SLC7A1: variants seen among roughly 807,000 people sequenced by gnomAD.
SLC7A1 encodes the protein solute carrier family 7 member 1.
In SLC7A1, 10 loss-of-function variants were observed where a neutral mutation model predicts 53.9. The observed-to-expected ratio is 0.19, with a 90% CI of 0.11 to 0.31. SLC7A1 has a LOEUF of 0.31. Ranked by LOEUF, SLC7A1 falls within the 10% of genes least tolerant of loss-of-function variation. The pLI, the probability that SLC7A1 is intolerant of heterozygous loss-of-function variation, is 1.00. For synonymous variants in SLC7A1, 342 were observed against 338.7 expected (o/e 1.01, Z -0.11); for missense variants, 525 against 827.2 (o/e 0.63, Z 4.48).
intron 1 of SLC7A1, among the ~76,000 whole-genome samples, chr13:29,566,621 A>C (rs991748900): frequency 1.3e-5 from 2 of 152,128 alleles, no homozygotes; most frequent in South Asian, 2.1e-4. Context: ...ACGGGTGGGG[A>C]ATGACTGTTA....
chr13:29,591,630 A>G (rs1215821315), intron 1 of SLC7A1, among the ~76,000 whole-genome samples: 1 of 152,242 alleles, frequency 6.6e-6, no homozygotes, highest in African/African-American at 2.4e-5. Context: ...TATTCTGAAG[A>G]AAGCACTGCA....
chr13:29,515,491 A>G (rs1883526490), intron 12 of SLC7A1, among the ~76,000 whole-genome samples: 1 of 152,236 alleles, frequency 6.6e-6, no homozygotes, highest in Non-Finnish European at 1.5e-5. Flanking sequence ...TGCCCGTAGC[A>G]TGCAAACTCA....
chr13:29,522,041 G>T (rs1416746384), intron 8 of SLC7A1, among the ~76,000 whole-genome samples: 2 of 152,198 alleles, frequency 1.3e-5, no homozygotes, highest in African/African-American at 2.4e-5. Context: ...GGGGAGAAAA[G>T]GTTTTCGAAT....
intron 8 of SLC7A1, among the ~76,000 whole-genome samples, chr13:29,519,982 CAT>C (rs1868552526): frequency 6.6e-6 from 1 of 152,096 alleles, no homozygotes; most frequent in South Asian, 2.1e-4. Flanking sequence ...TTCACAGACT[CAT>C]GTGCATCCAT....
At position 29,555,661 on chromosome 13, in the gene SLC7A1, G is replaced by A. The variant is rs819389; in HGVS notation, c.-114-1801C>T. Among the ~76,000 whole-genome samples, 443 of 147,310 alleles carry A rather than the reference G, an allele frequency of 3.0e-3. 3 individuals carry two copies. The highest frequency in any genetic ancestry group is 0.01 in the African/African-American group (416 of 40,168). On this transcript the variant is annotated intron_variant, in intron 1 of 12. Transcript: ENST00000380752. ...TTCGTAGTTTAAAAAGTTAACTCTGGAAAAAAAAAGGGGGGGCGGGCAGAA... is the reference window on the plus strand; with the variant it reads ...TTCGTAGTTTAAAAAGTTAACTCTGAAAAAAAAAAGGGGGGGCGGGCAGAA...
intron 2 of SLC7A1, among the ~76,000 whole-genome samples, chr13:29,550,136 G>C (rs1364670057): frequency 6.6e-6 from 1 of 152,104 alleles, no homozygotes; most frequent in Non-Finnish European, 1.5e-5. Context: ...CCACATTTTC[G>C]TATACAAACA....
chr13:29,586,420 T>C (rs1044436167), intron 1 of SLC7A1, among the ~76,000 whole-genome samples: 1 of 152,228 alleles, frequency 6.6e-6, no homozygotes, highest in Non-Finnish European at 1.5e-5. Context: ...ATTTTTCCAG[T>C]CTTTTCTTTC....
chr13:29,577,776 G>A (rs1463009823), intron 1 of SLC7A1, among the ~76,000 whole-genome samples: 1 of 152,116 alleles, frequency 6.6e-6, no homozygotes, highest in African/African-American at 2.4e-5. Context: ...CCTGTCTTTG[G>A]AGGAGCTCAC....
At chr13:29,557,778 A>G (rs12868785) in intron 1 of SLC7A1, among the ~76,000 whole-genome samples, 6 of 67,978 alleles carry the variant, frequency 8.8e-5, no homozygotes, top group Admixed American at 1.7e-4. Flanking sequence ...TGAGTGAGGG[A>G]GGAGTGAATG....
chr13:29,572,684 C>G (rs551551864), intron 1 of SLC7A1, among the ~76,000 whole-genome samples: 69 of 152,290 alleles, frequency 4.5e-4, no homozygotes, highest in Admixed American at 1.4e-3. Flanking sequence ...CTGGTTCCCC[C>G]AGTCGTTCTC....
intron 1 of SLC7A1, among the ~76,000 whole-genome samples, chr13:29,593,313 A>G (rs1020590519): frequency 6.6e-6 from 1 of 152,148 alleles, no homozygotes; most frequent in Non-Finnish European, 1.5e-5. Context: ...TTTAAAATCT[A>G]TCCAGGTCTG....
chr13:29,514,074 A>G lies in SLC7A1; in HGVS notation c.*406T>C, dbSNP rs1593536194. On this transcript the variant is annotated 3_prime_UTR_variant, in exon 13 of 13. Coordinates refer to ENST00000380752, the MANE Select transcript of SLC7A1 (RefSeq NM_003045.5). ...GGCTGAGCGGGAAGATGGCTGCGAA[A>G]GTTTGGAGTATGCACAATTTCAATC... 1 of 188,432 alleles carries G rather than the reference A, an allele frequency of 5.3e-6. No homozygotes were observed. Among genetic ancestry groups the G allele is most frequent in the African/African-American group, 2.3e-5 (1 of 42,982 alleles). The allele number at this position is 188,432 out of a possible 1,614,324, so 11.7% of individuals were successfully genotyped here. A position where few individuals can be genotyped will look rare whatever the true frequency, so the allele number is the denominator to read the frequency against.
At position 29,528,949 on chromosome 13, in the gene SLC7A1, G is replaced by A. The variant is rs185524807; in HGVS notation, c.704+1589C>T. Among the ~76,000 whole-genome samples the A allele has an allele frequency of 1.1e-3, 161 of 152,282 alleles. 3 individuals carry two copies. The highest frequency in any genetic ancestry group is 1.6e-4 in the Non-Finnish European group (11 of 68,028). The stretch of plus-strand genomic sequence containing the variant: ...CATAAAAATAATAAAATTAAATCTC[G>A]ATTGGCAACCAGTTAACAAGAGGTG... On this transcript the variant is annotated intron_variant, in intron 5 of 12. Coordinates refer to ENST00000380752, the MANE Select transcript of SLC7A1 (RefSeq NM_003045.5).
At position 29,523,174 on chromosome 13, in the gene SLC7A1, T is replaced by C. The variant is rs552293404; in HGVS notation, c.1049+92A>G. 570 of 1,016,594 alleles carry C rather than the reference T, an allele frequency of 5.6e-4. 4 individuals are homozygous for C. In the African/African-American group the frequency reaches 8.3e-3, roughly 15 times the overall value. The allele number at this position is 1,016,594 out of a possible 1,614,324, so 63.0% of individuals were successfully genotyped here. Reference sequence around the variant, plus strand: ...GGGTAAAGAATGCTGGCAGCCGATGTGTGTCTCGCATGGCTGTACCTGGCC... The same window carrying C: ...GGGTAAAGAATGCTGGCAGCCGATGCGTGTCTCGCATGGCTGTACCTGGCC... On this transcript the variant is annotated intron_variant, in intron 7 of 12. Transcript: ENST00000380752.
At chr13:29,555,979 C>T (rs1359798672) in intron 1 of SLC7A1, among the ~76,000 whole-genome samples, 1 of 152,180 alleles carries the variant, frequency 6.6e-6, no homozygotes, top group Non-Finnish European at 1.5e-5. Flanking sequence ...AAAGAGCTTA[C>T]CGAGATGGCT....
intron 1 of SLC7A1, among the ~76,000 whole-genome samples, chr13:29,565,581 C>T (rs1033085834): frequency 6.6e-6 from 1 of 152,232 alleles, no homozygotes; most frequent in African/African-American, 2.4e-5. Flanking sequence ...CACACTTGTA[C>T]ACTCTCCAGT....
At chr13:29,548,293 C>G (rs1011788701) in intron 2 of SLC7A1, among the ~76,000 whole-genome samples, 1 of 152,194 alleles carries the variant, frequency 6.6e-6, no homozygotes, top group African/African-American at 2.4e-5. Context: ...TAGGCACACA[C>G]GGTTAGGAGC....
At chr13:29,567,459 A>C (rs943651257) in intron 1 of SLC7A1, among the ~76,000 whole-genome samples, 5 of 152,220 alleles carry the variant, frequency 3.3e-5, no homozygotes, top group African/African-American at 1.2e-4. Context: ...TACCAGGGCA[A>C]AAAAGTCATC....
intron 1 of SLC7A1, among the ~76,000 whole-genome samples, chr13:29,560,535 A>C (rs1320714025): frequency 1.3e-5 from 2 of 151,716 alleles, no homozygotes; most frequent in African/African-American, 4.8e-5. Flanking sequence ...TTACTATTAC[A>C]TAGTAAAAAC....
Sources: allele counts gnomAD v4.1 joint callset (sites outside exome capture counted in the v4.1 genomes callset), GRCh38; gene constraint gnomAD v4.1.1; transcripts MANE v1.5; gene names NCBI Gene and HGNC (gene_info 2026-07-23, HGNC 2026-07-21).